The following AGMO variants were observed in gnomAD, a reference collection of about 807,000 sequenced individuals.
The protein encoded by AGMO is glyceryl-ether monooxygenase.
A neutral mutation model predicts 60.2 loss-of-function variants in AGMO; 75 were observed. That is an observed-to-expected ratio of 1.25 (90% CI 1.03 to 1.51). AGMO has a LOEUF of 1.51. Among genes scored for constraint, AGMO ranks in the 40% most tolerant of loss-of-function variants. The pLI is 0.00. For missense variants in AGMO, 763 were observed against 525.5 expected, an observed-to-expected ratio of 1.45 and a Z score of -4.42; for synonymous variants, 261 against 177.1, an observed-to-expected ratio of 1.47 and a Z score of -3.76.
At chr7:15,483,794 G>A (rs1275320892) in intron 3 of AGMO, among the ~76,000 whole-genome samples, 1 of 151,910 alleles carries the variant, frequency 6.6e-6, no homozygotes, top group East Asian at 1.9e-4. Context: ...TAATTTTAAA[G>A]AAAACTCAGT....
At chr7:15,247,670 T>A (rs78396880) in intron 12 of AGMO, among the ~76,000 whole-genome samples, 1 of 152,134 alleles carries the variant, frequency 6.6e-6, no homozygotes, top group African/African-American at 2.4e-5. Context: ...GAGCATATTC[T>A]GAAAACTAAT....
At chr7:15,501,596 G>A (rs1783386741) in intron 3 of AGMO, among the ~76,000 whole-genome samples, 1 of 151,894 alleles carries the variant, frequency 6.6e-6, no homozygotes, top group South Asian at 2.1e-4. Context: ...GAAGATGAGA[G>A]GTGAAATAAA....
intron 12 of AGMO, among the ~76,000 whole-genome samples, chr7:15,273,124 T>G (rs372357108): frequency 6.6e-6 from 1 of 152,314 alleles, no homozygotes; most frequent in East Asian, 1.9e-4. Flanking sequence ...AGAAGCTCTT[T>G]AGTTTAATTA....
At chr7:15,539,145 T>C (rs554535444) in intron 3 of AGMO, among the ~76,000 whole-genome samples, 85 of 152,202 alleles carry the variant, frequency 5.6e-4, no homozygotes, top group African/African-American at 1.8e-3. Context: ...ATTAATTTTA[T>C]TATTTTTTTA....
chr7:15,346,617 T>TAAA lies in AGMO; in HGVS notation c.1263+18894_1263+18896dup, dbSNP rs11417689. Reference sequence around the variant, plus strand: ...TTTTTGTATCATAAATCTTAAAAAGTAAAAAAAAAAAATACCATAAAGAAG... The same window carrying TAAA: ...TTTTTGTATCATAAATCTTAAAAAGTAAAAAAAAAAAAAAATACCATAAAGAAG... On this transcript the variant is annotated intron_variant, in intron 12 of 12. Transcript: ENST00000342526. Among the ~76,000 whole-genome samples the TAAA allele has an allele frequency of 9.9e-3, 1,440 of 145,796 alleles. 16 individuals are homozygous for TAAA. Among genetic ancestry groups the TAAA allele is most frequent in the African/African-American group, 0.028 (1,123 of 40,022 alleles).
intron 3 of AGMO, among the ~76,000 whole-genome samples, chr7:15,495,162 G>A (rs1478427635): frequency 6.6e-6 from 1 of 152,222 alleles, no homozygotes; most frequent in East Asian, 1.9e-4. Flanking sequence ...ATACATGTTT[G>A]CTTTATAACG....
chr7:15,490,616 C>A (rs940465575), intron 3 of AGMO, among the ~76,000 whole-genome samples: 1 of 152,044 alleles, frequency 6.6e-6, no homozygotes, highest in South Asian at 2.1e-4. Context: ...ATCTGCAGTG[C>A]AATTACCAAT....
Position 15,428,874 on chromosome 7 carries a change from T to C in AGMO, c.513+2131A>G, listed in dbSNP as rs528468048. ...AGTTGTCTTTAATAAAAGAGAAATA[T>C]ATAAGTCAGAAGAGAGTAAAGATTT... On this transcript the variant is annotated intron_variant, in intron 4 of 12. Transcript: ENST00000342526. 3.3e-4 allele frequency among the ~76,000 whole-genome samples: 50 copies of C among 152,206 alleles called. 1 individual carries two copies. In the East Asian group the frequency reaches 9.7e-3, roughly 29 times the overall value.
chr7:15,218,370 G>C (rs1005156068), intron 12 of AGMO, among the ~76,000 whole-genome samples: 3 of 116,104 alleles, frequency 2.6e-5, no homozygotes, highest in African/African-American at 9.8e-5. Flanking sequence ...TGTATTTTGT[G>C]AATTTTTGTT....
chr7:15,395,728 T>C (rs1392959506), intron 5 of AGMO, among the ~76,000 whole-genome samples: 1 of 152,236 alleles, frequency 6.6e-6, no homozygotes, highest in Non-Finnish European at 1.5e-5. Flanking sequence ...TGTTAAAAAT[T>C]TAAACTGCTA....
At chr7:15,483,288 A>G (rs1782810225) in intron 3 of AGMO, among the ~76,000 whole-genome samples, 1 of 152,214 alleles carries the variant, frequency 6.6e-6, no homozygotes, top group East Asian at 1.9e-4. Context: ...ATTTAATGAT[A>G]TAAAAAACAT....
At chr7:15,266,781 T>G (rs1356642773) in intron 12 of AGMO, among the ~76,000 whole-genome samples, 2 of 151,394 alleles carry the variant, frequency 1.3e-5, no homozygotes, top group East Asian at 3.9e-4. Context: ...TATGTTTAAG[T>G]ATCTAAAAAA....
chr7:15,400,410 A>C (rs575687408), intron 5 of AGMO, among the ~76,000 whole-genome samples: 1 of 152,196 alleles, frequency 6.6e-6, no homozygotes, highest in Non-Finnish European at 1.5e-5. Context: ...GCCCCACAGT[A>C]AGAATTATCT....
chr7:15,559,624 A>G (rs1300159417), intron 2 of AGMO, among the ~76,000 whole-genome samples: 1 of 152,124 alleles, frequency 6.6e-6, no homozygotes, highest in Non-Finnish European at 1.5e-5. Flanking sequence ...TCTATAGTTC[A>G]AGACAGGGAT....
intron 12 of AGMO, among the ~76,000 whole-genome samples, chr7:15,250,687 C>T (rs1782903034): frequency 6.6e-6 from 1 of 152,110 alleles, no homozygotes; most frequent in Non-Finnish European, 1.5e-5. Flanking sequence ...CGCCTGTAAT[C>T]CCAGCACTTT....
intron 5 of AGMO, chr7:15,396,407 C>T (rs549475405): frequency 2.0e-5 from 3 of 152,334 alleles, no homozygotes; most frequent in Admixed American, 6.5e-5. Flanking sequence ...CCTGAGTTTC[C>T]TTGGTTCAGT....
At chr7:15,212,934 C>T (rs574303424) in intron 12 of AGMO, among the ~76,000 whole-genome samples, 53 of 151,992 alleles carry the variant, frequency 3.5e-4, no homozygotes, top group African/African-American at 1.2e-3. Flanking sequence ...CATCAACAAA[C>T]GTCAGTAGTT....
chr7:15,129,034 G>C, the AGMO span, among the ~76,000 whole-genome samples: 1 of 152,082 alleles, frequency 6.6e-6, no homozygotes, highest in Non-Finnish European at 1.5e-5. Flanking sequence ...GGGCTTACTA[G>C]AAGTGGGGCA....
Position 15,432,379 on chromosome 7 carries a change from T to TATATATATATATATATATATATAC in AGMO, c.410-1272_410-1271insGTATATATATATATATATATATAT, listed in dbSNP as rs373845365. On this transcript the variant is annotated intron_variant, in intron 3 of 12. Coordinates refer to ENST00000342526, the MANE Select transcript of AGMO (RefSeq NM_001004320.2). ...ATATATATACACACACATATATATATACACTATCTGGGTAAATTTTGGCCA... is the reference window on the plus strand; with the variant it reads ...ATATATATACACACACATATATATATATATATATATATATATATATATACACACTATCTGGGTAAATTTTGGCCA... Among the ~76,000 whole-genome samples, 768 of 135,976 alleles carry TATATATATATATATATATATATAC rather than the reference T, an allele frequency of 5.6e-3. 19 individuals carry two copies. Among genetic ancestry groups the TATATATATATATATATATATATAC allele is most frequent in the Middle Eastern group, 0.02 (5 of 252 alleles). 89.2% of individuals were successfully genotyped at this position (135,976 alleles called of 152,430 possible).
Sources: allele counts gnomAD v4.1 joint callset (sites outside exome capture counted in the v4.1 genomes callset), GRCh38; gene constraint gnomAD v4.1.1; transcripts MANE v1.5; gene names NCBI Gene and HGNC (gene_info 2026-07-23, HGNC 2026-07-21).